Variants in TRMT10B observed in about 807,000 individuals in gnomAD.
TRMT10B encodes the protein tRNA methyltransferase 10B, also known as tRNA methyltransferase 10 homolog B.
Under a neutral mutation model 43.8 loss-of-function variants are expected in TRMT10B, and 33 were observed. That is an observed-to-expected ratio of 0.75 (90% CI 0.57 to 1.01). The LOEUF is 1.01. Ranked by LOEUF, TRMT10B falls within the 50% of genes least tolerant of loss-of-function variation. TRMT10B has a pLI of 0.00. For synonymous variants in TRMT10B, 137 were observed against 130.6 expected (o/e 1.05, Z -0.34); for missense variants, 362 against 369.8 (o/e 0.98, Z 0.17).
rs987942754 is a variant in TRMT10B, at chr9:37,762,679, A to G, written c.289A>G (p.Asn97Asp). The G allele has an allele frequency of 6.3e-7, 1 of 1,580,414 alleles. No homozygotes were observed. Among genetic ancestry groups the G allele is most frequent in the Non-Finnish European group, 8.6e-7 (1 of 1,161,548 alleles). The change falls in exon 3 of 9, where the codon AAT becomes GAT. Residue 97 changes from asparagine to aspartate, a missense_variant. Coordinates refer to ENST00000297994, the MANE Select transcript of TRMT10B (RefSeq NM_144964.4). ...KERRKANRAE[N>D]PGICPQHSKR... is the part of the protein sequence containing the mutation. ...ACGAAGAAAAGCCAATCGTGCAGAA[A>G]ATCCAGGTGACAATAAATGAGACTG...
chr9:37,773,468 T>C (rs1827801603), intron 7 of TRMT10B, among the ~76,000 whole-genome samples: 1 of 152,148 alleles, frequency 6.6e-6, no homozygotes, highest in African/African-American at 2.4e-5. Context: ...TATTAACAAC[T>C]GGTGAGTCTA....
chr9:37,753,059 A>C (rs911108266), upstream of TRMT10B, among the ~76,000 whole-genome samples: 2 of 148,118 alleles, frequency 1.4e-5, no homozygotes, highest in South Asian at 2.2e-4. Flanking sequence ...CCGTGTGACC[A>C]CGAACCCACC....
chr9:37,762,619 G>C lies in TRMT10B; in HGVS notation c.229G>C (p.Ala77Pro). Residue 77 changes from alanine to proline, a missense_variant, in exon 3 of 9, where the codon GCA becomes CCA. Transcript: ENST00000297994. Reference sequence around the variant, plus strand: ...ACAGAGACACTGGGAAAAGATAGTTGCAGCAAAGAAGAGCAAAAGAAAGCA... The same window carrying C: ...ACAGAGACACTGGGAAAAGATAGTTCCAGCAAAGAAGAGCAAAAGAAAGCA... ...RKQRHWEKIV[A>P]AKKSKRKQEK... 6.3e-7 allele frequency: 1 copy of C among 1,597,980 alleles called. No individual in the cohort carries two copies. The highest frequency in any genetic ancestry group is 8.5e-7 in the Non-Finnish European group (1 of 1,171,498).
chr9:37,754,439 C>T (rs1202830683), intron 1 of TRMT10B, among the ~76,000 whole-genome samples: 4 of 152,070 alleles, frequency 2.6e-5, no homozygotes, highest in Admixed American at 6.5e-5. Flanking sequence ...AAAGGTAGAC[C>T]TTAGTGATCT....
intron 1 of TRMT10B, among the ~76,000 whole-genome samples, chr9:37,761,694 CT>C (rs1321530816): frequency 1.1e-4 from 16 of 152,314 alleles, no homozygotes; most frequent in African/African-American, 3.8e-4. Context: ...GCAAAACCGT[CT>C]CAAACAAACA....
intron 1 of TRMT10B, among the ~76,000 whole-genome samples, chr9:37,758,837 C>T (rs1289854795): frequency 3.9e-5 from 6 of 152,170 alleles, no homozygotes; most frequent in Admixed American, 6.5e-5. Flanking sequence ...CTAAGCCCCA[C>T]AGTCACCCTG....
intron 1 of TRMT10B, among the ~76,000 whole-genome samples, chr9:37,758,592 C>T (rs1228684282): frequency 1.3e-5 from 2 of 152,128 alleles, no homozygotes; most frequent in African/African-American, 4.8e-5. Context: ...TTTATGTTCA[C>T]AGCCTAAAGA....
At chr9:37,755,289 T>TTA (rs1554674553) in intron 1 of TRMT10B, among the ~76,000 whole-genome samples, 1 of 149,134 alleles carries the variant, frequency 6.7e-6, no homozygotes, top group African/African-American at 2.5e-5. Context: ...TTTTTTTTTT[T>TTA]AAAGTTAGTT....
In TRMT10B at chr9:37,762,128, G is replaced by C; in HGVS notation, c.186+11G>C. On this transcript the variant is annotated intron_variant, in intron 2 of 8. Transcript: ENST00000297994. ...ACGGCATGGTGCTCGGTGAGTGCGTGAATTGCCTGGCCATAGGCCTTGAAT... is the reference window on the plus strand; with the variant it reads ...ACGGCATGGTGCTCGGTGAGTGCGTCAATTGCCTGGCCATAGGCCTTGAAT... The C allele has an allele frequency of 6.2e-7, 1 of 1,607,874 alleles. No homozygotes were observed. Among genetic ancestry groups the C allele is most frequent in the Non-Finnish European group, 8.5e-7 (1 of 1,175,940 alleles).
chr9:37,752,965 C>T (rs547903371), upstream of TRMT10B, among the ~76,000 whole-genome samples: 6 of 152,262 alleles, frequency 3.9e-5, no homozygotes, highest in South Asian at 2.1e-4. Context: ...AATCTTGTTG[C>T]TTGCTAACCC....
chr9:37,762,691 A>G lies in TRMT10B; in HGVS notation c.295+6A>G. ...CAATCGTGCAGAAAATCCAGGTGAC[A>G]ATAAATGAGACTGTTGGTATAATAA... On this transcript the variant is annotated splice_donor_region_variant and intron_variant, in intron 3 of 8. Transcript: ENST00000297994. 1 of 1,571,886 alleles carries G rather than the reference A, an allele frequency of 6.4e-7. No homozygotes were observed. Among genetic ancestry groups the G allele is most frequent in the Non-Finnish European group, 8.6e-7 (1 of 1,157,740 alleles).
chr9:37,771,849 T>C (rs972417449), intron 7 of TRMT10B, among the ~76,000 whole-genome samples: 2 of 151,814 alleles, frequency 1.3e-5, no homozygotes, highest in African/African-American at 4.8e-5. Flanking sequence ...CTCTGCCTCC[T>C]GAGGTGTAGT....
chr9:37,754,734 TA>T (rs1401808338), intron 1 of TRMT10B, among the ~76,000 whole-genome samples: 2 of 152,166 alleles, frequency 1.3e-5, no homozygotes, highest in African/African-American at 4.8e-5. Context: ...GTCAGGTGCT[TA>T]GTAGCTTTGT....
upstream of TRMT10B, among the ~76,000 whole-genome samples, chr9:37,753,268 C>T (rs551117080): frequency 3.3e-5 from 5 of 152,330 alleles, no homozygotes; most frequent in Admixed American, 6.5e-5. Context: ...AAGAATCCAC[C>T]ATTTCCGGAC....
chr9:37,776,634 ACCTGTAAT>A (rs931292312), intron 8 of TRMT10B, among the ~76,000 whole-genome samples: 3 of 152,178 alleles, frequency 2.0e-5, no homozygotes, highest in Non-Finnish European at 4.4e-5. Flanking sequence ...AGTGGCTCAC[ACCTGTAAT>A]CCTGTAATCC....
chr9:37,770,715 G>A lies in TRMT10B; in HGVS notation c.696G>A (p.Gly232=). The A allele has an allele frequency of 6.2e-7, 1 of 1,613,734 alleles. No homozygotes were observed. Among genetic ancestry groups the A allele is most frequent in the Non-Finnish European group, 8.5e-7 (1 of 1,179,990 alleles). ...TAAACAAAGTTTACATCCTCGGTGG[G>A]CTTGTGGATGAAAGCATTCAGAAGG... ...VDLNKVYILG[G]LVDESIQKKV... is the part of the protein sequence containing the mutation. Residue 232 remains glycine, a synonymous_variant, in exon 7 of 9, where the codon GGG becomes GGA. Transcript: ENST00000297994.
intron 4 of TRMT10B, 77 bp from the exon 5 acceptor site, chr9:37,767,999 A>G: frequency 4.5e-6 from 7 of 1,555,538 alleles, no homozygotes; most frequent in Non-Finnish European, 6.2e-6. Flanking sequence ...CAGTGAACTT[A>G]TTGTAGCCAT....
At chr9:37,756,734 A>G (rs1052553195) in intron 1 of TRMT10B, among the ~76,000 whole-genome samples, 5 of 151,166 alleles carry the variant, frequency 3.3e-5, no homozygotes, top group Non-Finnish European at 5.9e-5. Flanking sequence ...AGATATATAT[A>G]TATATATACA....
chr9:37,759,254 A>G (rs1166503052), intron 1 of TRMT10B, among the ~76,000 whole-genome samples: 1 of 152,236 alleles, frequency 6.6e-6, no homozygotes, highest in Admixed American at 6.5e-5. Context: ...CCATCAACAG[A>G]ATAAATTGTG....
Sources: allele counts gnomAD v4.1 joint callset (sites outside exome capture counted in the v4.1 genomes callset), GRCh38; gene constraint gnomAD v4.1.1; transcripts MANE v1.5; gene names NCBI Gene and HGNC (gene_info 2026-07-23, HGNC 2026-07-21).